Variants in EFTUD2 observed in about 807,000 individuals in gnomAD.
EFTUD2 encodes the protein 116 kDa U5 small nuclear ribonucleoprotein component.
In EFTUD2, 9 loss-of-function variants were observed where a neutral mutation model predicts 114.3. The observed-to-expected ratio is 0.08, with a 90% CI of 0.05 to 0.14. The LOEUF (loss-of-function observed/expected upper bound fraction) is 0.14. Ranked by LOEUF, EFTUD2 falls within the 10% of genes least tolerant of loss-of-function variation. The probability of loss-of-function intolerance (pLI) is 1.00; values close to 1 mark genes in which losing one functional copy is unlikely to be tolerated. For synonymous variants in EFTUD2, 449 were observed against 462.3 expected (o/e 0.97, Z 0.37); for missense variants, 765 against 1,241.2 (o/e 0.62, Z 5.76).
chr17:44,871,217 G>A (rs1330280432), intron 11 of EFTUD2, among the ~76,000 whole-genome samples: 22 of 151,880 alleles, frequency 1.4e-4, no homozygotes, highest in Admixed American at 1.4e-3. Flanking sequence ...TAGAGATGGG[G>A]TTTCGCCATG....
chr17:44,893,127 T>A (rs1220648081), intron 2 of EFTUD2, among the ~76,000 whole-genome samples: 2 of 151,962 alleles, frequency 1.3e-5, no homozygotes, highest in African/African-American at 4.8e-5. Context: ...GTCATTTTTT[T>A]TTTTTTTTGT....
intron 9 of EFTUD2, among the ~76,000 whole-genome samples, chr17:44,878,058 C>T (rs1159604254): frequency 6.6e-6 from 1 of 152,006 alleles, no homozygotes; most frequent in Non-Finnish European, 1.5e-5. Flanking sequence ...ATTGCTTGAA[C>T]CCAAAAGGCA....
intron 16 of EFTUD2, 28 bp from the exon 17 acceptor site, chr17:44,860,571 G>T: frequency 2.6e-5 from 33 of 1,284,128 alleles, no homozygotes; most frequent in Non-Finnish European, 3.2e-5. Flanking sequence ...AAGCAGCAGT[G>T]AAACTTAGGC....
chr17:44,850,046 T>C lies in EFTUD2; in HGVS notation c.*1228A>G. On this transcript the variant is annotated 3_prime_UTR_variant, in exon 28 of 28. Transcript: ENST00000426333. The stretch of plus-strand genomic sequence containing the variant: ...CTCACTGAGCCTCAGTTTCCTGATG[T>C]GTAACATGACAATAACCACCCCTGG... 2 of 324,704 alleles carry C rather than the reference T, an allele frequency of 6.2e-6. No homozygotes were observed. The highest frequency in any genetic ancestry group is 1.2e-5 in the Non-Finnish European group (2 of 171,426). 20.1% of individuals were successfully genotyped at this position (324,704 alleles called of 1,614,324 possible).
At chr17:44,893,770 G>C (rs1278923722) in intron 2 of EFTUD2, among the ~76,000 whole-genome samples, 4 of 96,350 alleles carry the variant, frequency 4.2e-5, no homozygotes, top group Non-Finnish European at 7.2e-5. Flanking sequence ...AAAAAGGTGG[G>C]GGGGGGGGTG....
chr17:44,894,233 G>C (rs753633626), intron 2 of EFTUD2, 184 bp downstream of exon 2: 3 of 560,482 alleles, frequency 5.4e-6, no homozygotes, highest in Non-Finnish European at 9.6e-6. Context: ...AGCTGGGCAT[G>C]GTGGTGCATA....
chr17:44,858,097 T>C (rs1043303619), intron 19 of EFTUD2, among the ~76,000 whole-genome samples: 69 of 152,082 alleles, frequency 4.5e-4, no homozygotes, highest in Admixed American at 2.0e-3. Context: ...AATTTTTGTA[T>C]TTTTAGTAGA....
At chr17:44,889,830 T>C (rs779936395) in intron 2 of EFTUD2, among the ~76,000 whole-genome samples, 3 of 152,322 alleles carry the variant, frequency 2.0e-5, no homozygotes, top group Middle Eastern at 3.4e-3. Context: ...CAAATAGCTA[T>C]CAAGCCAGTT....
rs2050693321 is a variant in EFTUD2, at chr17:44,863,498, G to A, written c.1413+157C>T. 31 of 1,028,534 alleles carry A rather than the reference G, an allele frequency of 3.0e-5. No homozygotes were observed. The South Asian group carries it at 4.9e-4, about 16-fold the overall frequency. The allele number at this position is 1,028,534 out of a possible 1,614,324, so 63.7% of individuals were successfully genotyped here. A position where few individuals can be genotyped will look rare whatever the true frequency, so the allele number is the denominator to read the frequency against. ...TGTTCCCAAGGTCATAGCACTAGCG[G>A]TGGCAACATCAGGCTTTGCATTCAG... On this transcript the variant is annotated intron_variant, in intron 15 of 27. Transcript: ENST00000426333.
intron 12 of EFTUD2, 48 bp downstream of exon 12, chr17:44,868,239 G>A (rs1188456788): frequency 6.5e-7 from 1 of 1,533,216 alleles, no homozygotes; most frequent in Admixed American, 1.8e-5. Context: ...CTCACTTACT[G>A]GGTAAATGAT....
chr17:44,868,234 T>C, intron 12 of EFTUD2, 53 bp downstream of exon 12: 1 of 1,517,310 alleles, frequency 6.6e-7, no homozygotes, highest in Non-Finnish European at 9.0e-7. Context: ...CTGTCCTCAC[T>C]TACTGGGTAA....
At chr17:44,886,261 ATATTAT>A (rs2051170799) in intron 3 of EFTUD2, among the ~76,000 whole-genome samples, 4 of 152,140 alleles carry the variant, frequency 2.6e-5, no homozygotes, top group African/African-American at 7.2e-5. Context: ...TGGACAATAC[ATATTAT>A]GAGAACTGGT....
rs1567735566 is a variant in EFTUD2, at chr17:44,862,894, A to C, written c.1426T>G (p.Cys476Gly). 7 of 1,609,034 alleles carry C rather than the reference A, an allele frequency of 4.4e-6. No homozygotes were observed. The highest frequency in any genetic ancestry group is 6.0e-6 in the Non-Finnish European group (7 of 1,175,796). The change falls in exon 16 of 28, where the codon TGC becomes GGC. Residue 476 changes from cysteine (C) to glycine (G), a missense_variant. By Grantham distance (159) the Cys-to-Gly change is radical (BLOSUM62 -3). Transcript: ENST00000426333. Reference sequence around the variant, plus strand: ...GTGCTGTACATCTTAGTAGTGTGGCACATCAGGGGGCCCTGGAAGAGGGGA... The same window carrying C: ...GTGCTGTACATCTTAGTAGTGTGGCCCATCAGGGGGCCCTGGAAGAGGGGA... ...SDCDPDGPLM[C>G]HTTKMYSTDD...
At chr17:44,894,894 A>G (rs758081472) in intron 1 of EFTUD2, among the ~76,000 whole-genome samples, 19 of 152,254 alleles carry the variant, frequency 1.2e-4, no homozygotes, top group Admixed American at 7.2e-4. Flanking sequence ...TTTTAATACT[A>G]AATTTAATTT....
At chr17:44,881,576 G>C (rs551885903) in intron 7 of EFTUD2, 111 bp downstream of exon 7, 3 of 1,114,424 alleles carry the variant, frequency 2.7e-6, no homozygotes, top group Admixed American at 3.5e-5. Flanking sequence ...GGAGAGAGAG[G>C]AGTAGGATAT....
intron 4 of EFTUD2, 148 bp downstream of exon 4, chr17:44,885,108 C>T: frequency 1.5e-6 from 1 of 666,490 alleles, no homozygotes. Flanking sequence ...CCCCAAATAT[C>T]CCAGCAGCCA....
At position 44,853,661 on chromosome 17, in the gene EFTUD2, T is replaced by C. The variant is rs1380473140; in HGVS notation, c.2348-26A>G. The C allele has an allele frequency of 1.9e-6, 3 of 1,612,016 alleles. No homozygotes were observed. In the South Asian group the frequency reaches 3.3e-5, roughly 18 times the overall value. ...CTGTAAAGGAGGTGGAGGGAGTGAC[T>C]GGGGAGAGGTTCTGGGCCTGTCATG... is the stretch of plus-strand genomic sequence containing the variant. On this transcript the variant is annotated intron_variant, in intron 23 of 27. Coordinates refer to ENST00000426333, the MANE Select transcript of EFTUD2 (RefSeq NM_004247.4).
At chr17:44,866,553 AT>A (rs2050749347) in intron 13 of EFTUD2, among the ~76,000 whole-genome samples, 1 of 151,856 alleles carries the variant, frequency 6.6e-6, no homozygotes, top group Admixed American at 6.6e-5. Flanking sequence ...TAATTTTTGT[AT>A]TTTTAGTAGA....
At position 44,886,618 on chromosome 17, in the gene EFTUD2, T is replaced by G; in HGVS notation, c.238A>C (p.Ile80Leu). Residue 80 changes from isoleucine (I) to leucine (L), a missense_variant, in exon 3 of 28, where the codon ATA becomes CTA. This residue lies in a region of EFTUD2 where 121 missense variants were observed against 133.7 expected (regional missense o/e 0.90). Coordinates refer to ENST00000426333, the MANE Select transcript of EFTUD2 (RefSeq NM_004247.4). ...EEVYGPEVET[I>L]VQEEDTQPLT... is the part of the protein sequence containing the mutation. ...GGCTGAGTGTCTTCCTCTTGAACTA[T>G]GGTCTCCACCTCAGGACCATACACC... The G allele has an allele frequency of 2.5e-6, 4 of 1,614,206 alleles. No homozygotes were observed. The highest frequency in any genetic ancestry group is 3.4e-6 in the Non-Finnish European group (4 of 1,180,030).
Sources: gnomAD v4.1 joint callset for allele counts (sites outside exome capture counted in the v4.1 genomes callset) on GRCh38, gnomAD v4.1.1 for gene constraint, gnomAD v4.1.1 regional missense constraint, MANE v1.5 for transcripts, NCBI Gene and HGNC (gene_info 2026-07-23, HGNC 2026-07-21) for gene names.